The following RYR1 variants were observed in gnomAD, a reference collection of about 807,000 sequenced individuals.
RYR1 encodes ryanodine receptor 1, also known as central core disease of muscle.
A neutral mutation model predicts 583.5 loss-of-function variants in RYR1; 342 were observed. The observed-to-expected ratio is 0.59, with a 90% CI of 0.54 to 0.64. The LOEUF (loss-of-function observed/expected upper bound fraction) is 0.64. Ranked by LOEUF, RYR1 falls within the 30% of genes least tolerant of loss-of-function variation. The pLI, the probability that RYR1 is intolerant of heterozygous loss-of-function variation, is 0.00. For synonymous variants in RYR1, 2,791 were observed against 2,822.5 expected, an observed-to-expected ratio of 0.99 and a Z score of 0.35; for missense variants, 6,032 against 6,917.2, an observed-to-expected ratio of 0.87 and a Z score of 4.54.
intron 77 of RYR1, 54 bp from the exon 78 acceptor site, chr19:38,532,617 G>C (rs866745689): frequency 1.2e-6 from 2 of 1,613,674 alleles, no homozygotes; most frequent in Admixed American, 3.3e-5. Flanking sequence ...AAAGGGCTGG[G>C]GCGGGATGGA....
intron 84 of RYR1, among the ~76,000 whole-genome samples, chr19:38,542,928 G>T (rs1472847481): frequency 6.6e-6 from 1 of 151,976 alleles, no homozygotes; most frequent in Non-Finnish European, 1.5e-5. Context: ...TGCAACCTCT[G>T]CCTCCGGGGT....
At chr19:38,553,334 CAAA>C (rs566497167) in intron 89 of RYR1, among the ~76,000 whole-genome samples, 8 of 80,916 alleles carry the variant, frequency 9.9e-5, no homozygotes, top group Admixed American at 1.5e-4. Context: ...GACTCCATAT[CAAA>C]AAAAAAAAAA....
At chr19:38,495,779 T>A (rs1290921436) in intron 39 of RYR1, among the ~76,000 whole-genome samples, 1 of 152,044 alleles carries the variant, frequency 6.6e-6, no homozygotes, top group East Asian at 1.9e-4. Flanking sequence ...TTTTTTTTTT[T>A]ATTTTTTGAG....
intron 35 of RYR1, among the ~76,000 whole-genome samples, chr19:38,489,702 C>T (rs1488917977): frequency 2.0e-5 from 3 of 152,140 alleles, no homozygotes; most frequent in South Asian, 2.1e-4. Context: ...GATCTCGGCT[C>T]ACTGTAACCT....
chr19:38,435,423 G>A (rs986159615), intron 1 of RYR1, among the ~76,000 whole-genome samples: 1 of 152,232 alleles, frequency 6.6e-6, no homozygotes, highest in Non-Finnish European at 1.5e-5. Flanking sequence ...TACTGAGGTC[G>A]TGGTGGATTT....
At position 38,433,757 on chromosome 19, in the gene RYR1, G is replaced by GGC; in HGVS notation, c.-73_-72insGC. On this transcript the variant is annotated 5_prime_UTR_variant, in exon 1 of 106. Transcript: ENST00000359596. ...GGTCTCCGACCCCAGCCCGCCCCCA[G>GGC]CCCTCCCGCCCAGCCCGCAGCCCCC... is the stretch of plus-strand genomic sequence containing the variant. 1 of 261,718 alleles carries GGC rather than the reference G, an allele frequency of 3.8e-6. No individual in the cohort carries two copies. Among genetic ancestry groups the GGC allele is most frequent in the South Asian group, 3.7e-5 (1 of 26,750 alleles). 16.2% of individuals were successfully genotyped at this position (261,718 alleles called of 1,614,324 possible).
At chr19:38,551,445 G>A (rs182859291) in intron 89 of RYR1, among the ~76,000 whole-genome samples, 48 of 152,024 alleles carry the variant, frequency 3.2e-4, no homozygotes, top group Non-Finnish European at 5.3e-4. Context: ...TAAGCTCAGG[G>A]TTCCCTGAGT....
chr19:38,581,808 A>G (rs886159970), intron 101 of RYR1, among the ~76,000 whole-genome samples: 5 of 149,692 alleles, frequency 3.3e-5, no homozygotes, highest in Admixed American at 6.7e-5. Flanking sequence ...GGGTCTCACA[A>G]TGTTGGCCAG....
At position 38,528,348 on chromosome 19, in the gene RYR1, C is replaced by G. The variant is rs755998154; in HGVS notation, c.10867C>G (p.Leu3623Val). ...YKSKKAVWHK[L>V]LSKQRRRAVV... ...GTCTAAGAAGGCCGTGTGGCACAAGCTTTTGTCCAAACAGCGCCGGCGGGC... is the reference window on the plus strand; with the variant it reads ...GTCTAAGAAGGCCGTGTGGCACAAGGTTTTGTCCAAACAGCGCCGGCGGGC... The change falls in exon 74 of 106, where the codon CTT becomes GTT. Residue 3623 changes from leucine to valine, a missense_variant. Around this residue, in one of 11 missense-constraint regions of RYR1, gnomAD observed 1,493 missense variants for 1,715.5 expected, o/e 0.87. Transcript: ENST00000359596. The G allele has an allele frequency of 6.2e-7, 1 of 1,614,200 alleles. No homozygotes were observed. The highest frequency in any genetic ancestry group is 8.5e-7 in the Non-Finnish European group (1 of 1,180,038).
chr19:38,499,714 G>T lies in RYR1; in HGVS notation c.7107G>T (p.Arg2369=). ...RKPECFGPAL[R]GEGGSGLLAA... ...CTGAGTGCTTCGGACCCGCCCTGCG[G>T]GGTGAGGGTGGCTCAGGGCTGCTGG... The change falls in exon 44 of 106, where the codon CGG becomes CGT. Residue 2369 remains arginine, a synonymous_variant. Coordinates refer to ENST00000359596, the MANE Select transcript of RYR1 (RefSeq NM_000540.3). The surrounding 1 kb of genome is among the most constrained non-coding windows in gnomAD (Gnocchi z 7.3). 1 of 1,601,682 alleles carries T rather than the reference G, an allele frequency of 6.2e-7. No homozygotes were observed. The highest frequency in any genetic ancestry group is 1.3e-5 in the African/African-American group (1 of 74,988).
At position 38,447,104 on chromosome 19, in the gene RYR1, G is replaced by A. The variant is rs537452747; in HGVS notation, c.800+336G>A. On this transcript the variant is annotated intron_variant, in intron 9 of 105. Coordinates refer to ENST00000359596, the MANE Select transcript of RYR1 (RefSeq NM_000540.3). ...CCGGGTGTGGTGGTGTGCACCTTTA[G>A]TCTCAGCTACTTTGTGGGGCTGAGG... 1.7e-3 allele frequency among the ~76,000 whole-genome samples: 264 copies of A among 151,392 alleles called. 1 individual carries two copies. Among genetic ancestry groups the A allele is most frequent in the Middle Eastern group, 3.4e-3 (1 of 290 alleles).
In RYR1 at chr19:38,519,244, G is replaced by T. The variant is rs538500669; in HGVS notation, c.10049G>T (p.Arg3350Leu). ...GCACAGCCCATTGTGAGCCGTGCACGGCCGGAGCTCCTGCAGTCCCACTTC... is the reference window on the plus strand; with the variant it reads ...GCACAGCCCATTGTGAGCCGTGCACTGCCGGAGCTCCTGCAGTCCCACTTC... ...VFAQPIVSRA[R>L]PELLQSHFIP... The change falls in exon 67 of 106, where the codon CGG becomes CTG. Residue 3350 changes from arginine (R) to leucine (L), a missense_variant. Arg to Leu is a moderately radical substitution (Grantham distance 102, BLOSUM62 -2). This residue lies in a region of RYR1 where 1,493 missense variants were observed against 1,715.5 expected (regional missense o/e 0.87). Transcript: ENST00000359596. The T allele has an allele frequency of 6.2e-7, 1 of 1,614,096 alleles. No homozygotes were observed. Among genetic ancestry groups the T allele is most frequent in the South Asian group, 1.1e-5 (1 of 91,078 alleles).
Position 38,452,869 on chromosome 19 carries a change from G to C in RYR1, c.1295G>C (p.Gly432Ala). ...CCACGGGGCTCGGGGCCACCCGCTGGCACGGCGCTGCCCATCGAGGGCGTT... is the reference window on the plus strand; with the variant it reads ...CCACGGGGCTCGGGGCCACCCGCTGCCACGGCGCTGCCCATCGAGGGCGTT... ...GKPRGSGPPA[G>A]TALPIEGVIL... Residue 432 changes from glycine (G) to alanine (A), a missense_variant, in exon 13 of 106, where the codon GGC (glycine) becomes GCC (alanine). Transcript: ENST00000359596. 6.2e-7 allele frequency: 1 copy of C among 1,609,902 alleles called. No individual in the cohort carries two copies. The highest frequency in any genetic ancestry group is 8.5e-7 in the Non-Finnish European group (1 of 1,178,144).
intron 42 of RYR1, among the ~76,000 whole-genome samples, chr19:38,498,424 T>A (rs1969946015): frequency 6.6e-6 from 1 of 152,068 alleles, no homozygotes; most frequent in Non-Finnish European, 1.5e-5. Flanking sequence ...ACAGAACCGC[T>A]ACAGGAAAGG....
chr19:38,491,396 T>C (rs749377322), intron 37 of RYR1, among the ~76,000 whole-genome samples: 1 of 151,950 alleles, frequency 6.6e-6, no homozygotes, highest in Non-Finnish European at 1.5e-5. Flanking sequence ...GTACACTTGA[T>C]GGCATCCCAC....
At chr19:38,449,905 T>G (rs1254088771) in intron 11 of RYR1, among the ~76,000 whole-genome samples, 1 of 152,166 alleles carries the variant, frequency 6.6e-6, no homozygotes, top group African/African-American at 2.4e-5. Context: ...TTGTTTGTTT[T>G]TTGTAGAGAC....
intron 96 of RYR1, among the ~76,000 whole-genome samples, 169 bp from the exon 97 acceptor site, chr19:38,575,750 C>T (rs1973928667): frequency 6.6e-6 from 1 of 152,128 alleles, no homozygotes; most frequent in Non-Finnish European, 1.5e-5. Context: ...TTGCAGTGAG[C>T]AGATATCACA....
intron 89 of RYR1, among the ~76,000 whole-genome samples, chr19:38,550,270 TTCTG>T (rs1233339143): frequency 6.6e-6 from 1 of 152,156 alleles, no homozygotes; most frequent in East Asian, 1.9e-4. Flanking sequence ...TATTTAGGTG[TTCTG>T]TCTGTTTTCC....
At chr19:38,502,801 G>C in intron 48 of RYR1, 74 bp downstream of exon 48, 1 of 1,075,640 alleles carries the variant, frequency 9.3e-7, no homozygotes, top group East Asian at 3.5e-5. Context: ...GCAGGGGCAG[G>C]GGCAGGGGGA....
Sources: gnomAD v4.1 joint callset for allele counts (sites outside exome capture counted in the v4.1 genomes callset) on GRCh38, gnomAD v4.1.1 for gene constraint, gnomAD v4.1.1 regional missense constraint, Gnocchi (gnomAD v3.1) non-coding constraint, MANE v1.5 for transcripts, NCBI Gene and HGNC (gene_info 2026-07-23, HGNC 2026-07-21) for gene names.